The following ADARB2 variants were observed in gnomAD, a reference collection of about 807,000 sequenced individuals.
ADARB2 encodes the protein adenosine deaminase RNA specific B2 (inactive), also known as inactive double-stranded RNA-specific editase B2.
A neutral mutation model predicts 62.2 loss-of-function variants in ADARB2; 25 were observed. The observed-to-expected ratio is 0.40, with a 90% CI of 0.29 to 0.56. The LOEUF is 0.56. Among genes scored for constraint, ADARB2 ranks in the 20% least tolerant of loss-of-function variants. ADARB2 has a pLI of 0.43. For synonymous variants in ADARB2, 572 were observed against 500.8 expected (o/e 1.14, Z -1.90); for missense variants, 1,071 against 1,077.4 (o/e 0.99, Z 0.08).
intron 1 of ADARB2, among the ~76,000 whole-genome samples, chr10:1,455,700 T>A (rs1222994424): frequency 6.6e-6 from 1 of 152,176 alleles, no homozygotes; most frequent in Admixed American, 6.5e-5. Flanking sequence ...ACTGAGCCAT[T>A]TACGATTGTC....
At chr10:1,594,927 C>G (rs112146025) in intron 1 of ADARB2, among the ~76,000 whole-genome samples, 13 of 152,130 alleles carry the variant, frequency 8.5e-5, no homozygotes, top group African/African-American at 1.4e-4. Context: ...AGCACACAGC[C>G]GCTGAGCGCC....
At chr10:1,258,813 C>T (rs914939190) in intron 4 of ADARB2, among the ~76,000 whole-genome samples, 2 of 152,194 alleles carry the variant, frequency 1.3e-5, no homozygotes, top group Non-Finnish European at 2.9e-5. Flanking sequence ...TAGACATCTA[C>T]AGAAGTCTCC....
At chr10:1,438,441 C>A (rs567958340) in intron 1 of ADARB2, among the ~76,000 whole-genome samples, 2 of 148,962 alleles carry the variant, frequency 1.3e-5, no homozygotes, top group Admixed American at 6.7e-5. Context: ...CACTATGGGG[C>A]TCCTGAGTCT....
rs371052921 is a variant in ADARB2 at position 1,493,904 on chromosome 10, C to T, written c.101-114744G>A. On this transcript the variant is annotated intron_variant, in intron 1 of 9. Coordinates refer to ENST00000381312, the MANE Select transcript of ADARB2 (RefSeq NM_018702.4). ...CTCCTGAGCTGGGATTACAGGCGTG[C>T]GCCACTACGCCTGGCTATTTTTTGT... Among the ~76,000 whole-genome samples, 99 of 151,646 alleles carry T rather than the reference C, an allele frequency of 6.5e-4. 1 individual carries two copies. In the South Asian group the frequency reaches 0.017, roughly 26 times the overall value.
intron 1 of ADARB2, among the ~76,000 whole-genome samples, chr10:1,659,654 C>G (rs994264607): frequency 2.0e-5 from 3 of 152,376 alleles, no homozygotes; most frequent in Admixed American, 6.5e-5. Context: ...GTGAACTCGC[C>G]TATGCCCACA....
chr10:1,211,298 TATC>T (rs1428478795), intron 7 of ADARB2, among the ~76,000 whole-genome samples: 1 of 150,118 alleles, frequency 6.7e-6, no homozygotes, highest in Non-Finnish European at 1.5e-5. Flanking sequence ...ATAATCTATG[TATC>T]ATCTGTCATC....
Position 1,725,126 on chromosome 10 carries a change from T to C in ADARB2, c.100+11925A>G, listed in dbSNP as rs565869371. Reference sequence around the variant, plus strand: ...GCAGAGAAGGAAAGTCCCAACCAGATGAACCTGCCAGGACATGTCCTCCCT... The same window carrying C: ...GCAGAGAAGGAAAGTCCCAACCAGACGAACCTGCCAGGACATGTCCTCCCT... On this transcript the variant is annotated intron_variant, in intron 1 of 9. Transcript: ENST00000381312. Among the ~76,000 whole-genome samples, 23 of 152,324 alleles carry C rather than the reference T, an allele frequency of 1.5e-4. No individual in the cohort carries two copies. In the South Asian group the frequency reaches 2.7e-3, roughly 18 times the overall value.
chr10:1,414,162 C>G (rs1003321642), intron 1 of ADARB2, among the ~76,000 whole-genome samples: 2 of 152,236 alleles, frequency 1.3e-5, no homozygotes, highest in East Asian at 1.9e-4. Flanking sequence ...CAACCTACCC[C>G]CAACCCAGGC....
At chr10:1,440,392 C>T (rs1830891071) in intron 1 of ADARB2, among the ~76,000 whole-genome samples, 1 of 150,632 alleles carries the variant, frequency 6.6e-6, no homozygotes, top group Admixed American at 6.6e-5. Context: ...ATCTCCAGTC[C>T]TTAATATTCC....
chr10:1,729,916 AG>A (rs1835211427), intron 1 of ADARB2, among the ~76,000 whole-genome samples: 1 of 152,240 alleles, frequency 6.6e-6, no homozygotes, highest in East Asian at 1.9e-4. Context: ...GTCTGTCGGC[AG>A]TGGGAAACAA....
intron 6 of ADARB2, among the ~76,000 whole-genome samples, chr10:1,226,255 C>T (rs1830744331): frequency 6.6e-6 from 1 of 152,236 alleles, no homozygotes; most frequent in African/African-American, 2.4e-5. Flanking sequence ...TGATTTTCAG[C>T]TCCATCAGGT....
chr10:1,703,159 A>C (rs1588359031), intron 1 of ADARB2, among the ~76,000 whole-genome samples: 1 of 152,192 alleles, frequency 6.6e-6, no homozygotes, highest in African/African-American at 2.4e-5. Context: ...CTCCAGATAC[A>C]GCAATTAAAA....
rs184001744 is a variant in ADARB2, at chr10:1,530,364, G to A, written c.101-151204C>T. Among the ~76,000 whole-genome samples the A allele has an allele frequency of 1.2e-3, 188 of 152,246 alleles. 1 individual carries two copies. Among genetic ancestry groups the A allele is most frequent in the African/African-American group, 4.2e-3 (176 of 41,542 alleles). On this transcript the variant is annotated intron_variant, in intron 1 of 9. Transcript: ENST00000381312. ...CATTCCCTCCTCCTGAAACACTTGCGTCCTGGGTTTCCTCATCCAGTTTCC... is the reference window on the plus strand; with the variant it reads ...CATTCCCTCCTCCTGAAACACTTGCATCCTGGGTTTCCTCATCCAGTTTCC...
intron 3 of ADARB2, among the ~76,000 whole-genome samples, chr10:1,345,253 G>T (rs991693792): frequency 1.3e-5 from 2 of 152,188 alleles, no homozygotes; most frequent in Non-Finnish European, 2.9e-5. Context: ...ACAGTCCAGG[G>T]ACTCTTTCAT....
chr10:1,337,491 T>C (rs555020111), intron 3 of ADARB2, among the ~76,000 whole-genome samples: 29 of 152,312 alleles, frequency 1.9e-4, no homozygotes, highest in African/African-American at 6.7e-4. Context: ...AATTCTTCCA[T>C]GGTAAGGACT....
At chr10:1,678,914 G>C (rs545369848) in intron 1 of ADARB2, among the ~76,000 whole-genome samples, 35 of 152,318 alleles carry the variant, frequency 2.3e-4, no homozygotes, top group Non-Finnish European at 4.3e-4. Flanking sequence ...GAGGAGGAGA[G>C]AGTACAGGTG....
At chr10:1,610,130 T>C (rs1015450539) in intron 1 of ADARB2, among the ~76,000 whole-genome samples, 12 of 152,158 alleles carry the variant, frequency 7.9e-5, no homozygotes, top group Non-Finnish European at 1.5e-4. Flanking sequence ...AGATGTTAAA[T>C]TGCACAGTGA....
At chr10:1,229,708 A>G (rs372094588) in intron 6 of ADARB2, among the ~76,000 whole-genome samples, 2 of 25,374 alleles carry the variant, frequency 7.9e-5, no homozygotes, top group African/African-American at 5.1e-4. Flanking sequence ...GTGCTTATGT[A>G]TGCGTGTTCA....
intron 1 of ADARB2, among the ~76,000 whole-genome samples, chr10:1,730,523 A>T (rs978864723): frequency 6.6e-6 from 1 of 152,204 alleles, no homozygotes; most frequent in Non-Finnish European, 1.5e-5. Flanking sequence ...AGCCACCTGA[A>T]TGCCACAATT....
Sources: gnomAD v4.1 joint callset for allele counts (sites outside exome capture counted in the v4.1 genomes callset) on GRCh38, gnomAD v4.1.1 for gene constraint, MANE v1.5 for transcripts, NCBI Gene and HGNC (gene_info 2026-07-23, HGNC 2026-07-21) for gene names.